Variants in SPTBN2 observed in about 807,000 individuals in gnomAD.
The protein encoded by SPTBN2 is spectrin beta chain, non-erythrocytic 2.
Under a neutral mutation model 284.2 loss-of-function variants are expected in SPTBN2, and 107 were observed. The observed-to-expected ratio is 0.38, with a 90% confidence interval of 0.32 to 0.44. The LOEUF (loss-of-function observed/expected upper bound fraction) is 0.44. Ranked by LOEUF, SPTBN2 falls within the 20% of genes least tolerant of loss-of-function variation. The pLI, the probability that SPTBN2 is intolerant of heterozygous loss-of-function variation, is 1.00. For missense variants in SPTBN2, 2,569 were observed against 3,287.1 expected (o/e 0.78, Z 5.34); for synonymous variants, 1,289 against 1,354.8 (o/e 0.95, Z 1.07).
intron 36 of SPTBN2, 38 bp downstream of exon 36, chr11:66,686,954 ACT>A: frequency 6.2e-7 from 1 of 1,610,960 alleles, no homozygotes; most frequent in Non-Finnish European, 8.5e-7. Context: ...GTCACTCCCA[ACT>A]CTCCTCCCAT....
upstream of SPTBN2, among the ~76,000 whole-genome samples, chr11:66,732,651 C>CAA (rs58620927): frequency 4.5e-4 from 34 of 75,794 alleles, no homozygotes; most frequent in East Asian, 7.2e-4. Flanking sequence ...CTCTGTCTCT[C>CAA]AAAAAAAAAA....
Position 66,696,534 on chromosome 11 carries a change from G to C in SPTBN2, c.4021C>G (p.Arg1341Gly), listed in dbSNP as rs1940923777. The C allele has an allele frequency of 2.5e-6, 4 of 1,611,188 alleles. No homozygotes were observed. The highest frequency in any genetic ancestry group is 3.4e-6 in the Non-Finnish European group (4 of 1,180,018). ...DWLDKVDKEG[R>G]ELTLEKPELK... ...TCTGGCTTCTCAAGGGTGAGCTCTCGCCCTTCCTGGAAGGCAGGACAGAAA... is the reference window on the plus strand; with the variant it reads ...TCTGGCTTCTCAAGGGTGAGCTCTCCCCCTTCCTGGAAGGCAGGACAGAAA... The change falls in exon 21 of 38, where the codon CGA (arginine) becomes GGA (glycine). Residue 1341 changes from arginine to glycine, a missense_variant. Physicochemically the swap from Arg to Gly is moderately radical, Grantham distance 125. This residue lies in a region of SPTBN2 where 50 missense variants were observed against 48.1 expected (regional missense o/e 1.04). Coordinates refer to ENST00000533211, the MANE Select transcript of SPTBN2 (RefSeq NM_006946.4).
Position 66,700,411 on chromosome 11 carries a change from C to T in SPTBN2, c.3573+115G>A, listed in dbSNP as rs1434820533. 2 of 1,449,982 alleles carry T rather than the reference C, an allele frequency of 1.4e-6. No individual in the cohort carries two copies. Among genetic ancestry groups the T allele is most frequent in the East Asian group, 4.6e-5 (2 of 43,450 alleles). The allele number at this position is 1,449,982 out of a possible 1,614,324, so 89.8% of individuals were successfully genotyped here. A position where few individuals can be genotyped will look rare whatever the true frequency, so the allele number is the denominator to read the frequency against. On this transcript the variant is annotated intron_variant, in intron 17 of 37. Coordinates refer to ENST00000533211, the MANE Select transcript of SPTBN2 (RefSeq NM_006946.4). The surrounding 1 kb of genome is among the most constrained non-coding windows in gnomAD (Gnocchi z 6.6). ...AAGTGCTGGAATTTCAGGTGTGAAC[C>T]ACTGCGCTGCCCCATTTTGCTAGCA...
At position 66,715,145 on chromosome 11, in the gene SPTBN2, TCATGGGCCAGCAGGAAC is replaced by T; in HGVS notation, c.483+60_483+76del. ...ATCCTCCATCTTTGTGTTTGTTGTGTCATGGGCCAGCAGGAACGGCTTGCGGTGCAGAGCCAGGGCAG... is the reference window on the plus strand; with the variant it reads ...ATCCTCCATCTTTGTGTTTGTTGTGTGGCTTGCGGTGCAGAGCCAGGGCAG... On this transcript the variant is annotated intron_variant, in intron 5 of 37. Transcript: ENST00000533211. The surrounding 1 kb of genome is among the most constrained non-coding windows in gnomAD (Gnocchi z 5.3). 6.3e-7 allele frequency: 1 copy of T among 1,584,244 alleles called. No individual in the cohort carries two copies. Among genetic ancestry groups the T allele is most frequent in the Non-Finnish European group, 8.7e-7 (1 of 1,154,842 alleles).
rs948277430 is a variant in SPTBN2, at chr11:66,700,122, A to AT, written c.3573+403dup. 9.5e-5 allele frequency among the ~76,000 whole-genome samples: 14 copies of AT among 147,154 alleles called. No individual in the cohort carries two copies. Among genetic ancestry groups the AT allele is most frequent in the African/African-American group, 1.2e-4 (5 of 40,178 alleles). On this transcript the variant is annotated intron_variant, in intron 17 of 37. Coordinates refer to ENST00000533211, the MANE Select transcript of SPTBN2 (RefSeq NM_006946.4). This position sits in a 1 kb window ranked among gnomAD's most constrained non-coding sequence, Gnocchi z 6.6. ...AGGCATGCACCACCATGTCCAGTTA[A>AT]TTTTTTTTTTTCATAGAGATGGGGG...
intron 1 of SPTBN2, among the ~76,000 whole-genome samples, chr11:66,743,919 G>T (rs1942926989): frequency 6.6e-6 from 1 of 150,970 alleles, no homozygotes. Context: ...GGAGTGCAAT[G>T]ACGCGATCTC....
Position 66,722,402 on chromosome 11 carries a change from C to T in SPTBN2, c.-113-962G>A, listed in dbSNP as rs190814361. 1.9e-3 allele frequency among the ~76,000 whole-genome samples: 281 copies of T among 151,440 alleles called. 4 individuals carry two copies. In the East Asian group the frequency reaches 0.026, roughly 14 times the overall value. On this transcript the variant is annotated intron_variant, in intron 1 of 37. Coordinates refer to ENST00000533211, the MANE Select transcript of SPTBN2 (RefSeq NM_006946.4). ...ATCCCTGGCTAACACGGTGAAACCCCGTCTCTACTAAAAAATACAAAAAAT... is the reference window on the plus strand; with the variant it reads ...ATCCCTGGCTAACACGGTGAAACCCTGTCTCTACTAAAAAATACAAAAAAT...
In SPTBN2 at chr11:66,708,304, G is replaced by A. The variant is rs910982125; in HGVS notation, c.1192-5C>T. 3.2e-6 allele frequency: 5 copies of A among 1,586,548 alleles called. No individual in the cohort carries two copies. Among genetic ancestry groups the A allele is most frequent in the African/African-American group, 2.7e-5 (2 of 74,520 alleles). On this transcript the variant is annotated splice_polypyrimidine_tract_variant and splice_region_variant and intron_variant, in intron 11 of 37. Coordinates refer to ENST00000533211, the MANE Select transcript of SPTBN2 (RefSeq NM_006946.4). The surrounding 1 kb of genome is among the most constrained non-coding windows in gnomAD (Gnocchi z 4.4). ...CTTCTCCAGCCGCTCCCAAGCCTAT[G>A]GGGTGGGGACAGGGTTAGTGGAAGG...
At chr11:66,725,834 G>C (rs1175906339) in intron 1 of SPTBN2, among the ~76,000 whole-genome samples, 1 of 152,142 alleles carries the variant, frequency 6.6e-6, no homozygotes, top group African/African-American at 2.4e-5. Context: ...TCTTTCAGCT[G>C]ACATGTTAAG....
In SPTBN2 at chr11:66,692,547, C is replaced by T. The variant is rs548649794; in HGVS notation, c.5179G>A (p.Glu1727Lys). 3.1e-6 allele frequency: 5 copies of T among 1,603,318 alleles called. No individual in the cohort carries two copies. The highest frequency in any genetic ancestry group is 3.4e-6 in the Non-Finnish European group (4 of 1,179,944). ...AASHELGQDYEHVTMLRDKFR... is the reference protein window; with the variant it reads ...AASHELGQDYKHVTMLRDKFR... ...CTCCCTACACTCACAGTCACATGCT[C>T]GTAGTCCTGGCCCAGCTCGTGGGAG... is the stretch of plus-strand genomic sequence containing the variant. The change falls in exon 26 of 38, where the codon GAG (glutamate) becomes AAG (lysine). Residue 1727 changes from glutamate (E) to lysine (K), a missense_variant. This residue lies in a region of SPTBN2 where 1,130 missense variants were observed against 1,317.3 expected (regional missense o/e 0.86). Coordinates refer to ENST00000533211, the MANE Select transcript of SPTBN2 (RefSeq NM_006946.4).
chr11:66,692,467 C>A, intron 26 of SPTBN2, 69 bp downstream of exon 26: 1 of 1,574,512 alleles, frequency 6.4e-7, no homozygotes, highest in South Asian at 1.1e-5. Flanking sequence ...GGGACTAGGT[C>A]CTAGTCTCCC....
chr11:66,720,262 T>A (rs1942333405), intron 3 of SPTBN2, among the ~76,000 whole-genome samples: 1 of 150,704 alleles, frequency 6.6e-6, no homozygotes, highest in African/African-American at 2.4e-5. Flanking sequence ...TCAGACTGGG[T>A]TGGGTTGGGC....
In SPTBN2 at chr11:66,705,197, C is replaced by A; in HGVS notation, c.2079G>T (p.Arg693=). The change falls in exon 15 of 38, where the codon CGG becomes CGT. Residue 693 remains arginine (R), a synonymous_variant. Coordinates refer to ENST00000533211, the MANE Select transcript of SPTBN2 (RefSeq NM_006946.4). ...HTALRGEMSG[R]LGPLKLTLEQ... ...CCAGGGTGAGCTTCAGGGGCCCCAG[C>A]CGGCCGCTCATCTCGCCCCGCAGGG... 6.5e-7 allele frequency: 1 copy of A among 1,536,102 alleles called. No individual in the cohort carries two copies. Among genetic ancestry groups the A allele is most frequent in the Non-Finnish European group, 8.7e-7 (1 of 1,143,816 alleles).
chr11:66,734,310 A>T (rs1942837940), intron 1 of SPTBN2, among the ~76,000 whole-genome samples: 1 of 152,090 alleles, frequency 6.6e-6, no homozygotes, highest in Admixed American at 6.5e-5. Context: ...TTAATACATC[A>T]GACAGATCAT....
At chr11:66,730,566 A>T (rs1374328784), upstream of SPTBN2, among the ~76,000 whole-genome samples, 4 of 149,766 alleles carry the variant, frequency 2.7e-5, no homozygotes, top group African/African-American at 9.9e-5. Flanking sequence ...GGCAACAAGA[A>T]CGAGACTCCA....
At chr11:66,711,877 T>G (rs1027944670) in intron 8 of SPTBN2, among the ~76,000 whole-genome samples, 1 of 152,188 alleles carries the variant, frequency 6.6e-6, no homozygotes, top group Non-Finnish European at 1.5e-5. Context: ...TCGCTGACAC[T>G]TGTCATTCTG....
At position 66,705,477 on chromosome 11, in the gene SPTBN2, G is replaced by A; in HGVS notation, c.1808-9C>T. 1 of 1,612,972 alleles carries A rather than the reference G, an allele frequency of 6.2e-7. No homozygotes were observed. The highest frequency in any genetic ancestry group is 1.1e-5 in the South Asian group (1 of 91,084). Reference sequence around the variant, plus strand: ...GTCGCAAGGTCTATACTCTGAGAAAGTCACAGGAGAGGGTCAGAGCCTTAA... The same window carrying A: ...GTCGCAAGGTCTATACTCTGAGAAAATCACAGGAGAGGGTCAGAGCCTTAA... On this transcript the variant is annotated splice_polypyrimidine_tract_variant and intron_variant, in intron 14 of 37. Transcript: ENST00000533211.
At position 66,687,195 on chromosome 11, in the gene SPTBN2, G is replaced by A. The variant is rs779451430; in HGVS notation, c.6723-28C>T. The A allele has an allele frequency of 1.1e-5, 17 of 1,612,028 alleles. No individual in the cohort carries two copies. Among genetic ancestry groups the A allele is most frequent in the South Asian group, 3.3e-5 (3 of 91,038 alleles). ...GCGAGGGACGCGGTGCTGACTGGCC[G>A]GCCTCAGTGGCGCCCGCAACCTGGA... is the stretch of plus-strand genomic sequence containing the variant. On this transcript the variant is annotated intron_variant, in intron 35 of 37. Coordinates refer to ENST00000533211, the MANE Select transcript of SPTBN2 (RefSeq NM_006946.4). This position sits in a 1 kb window ranked among gnomAD's most constrained non-coding sequence, Gnocchi z 5.2.
chr11:66,722,300 C>T (rs543293668), intron 1 of SPTBN2, among the ~76,000 whole-genome samples: 8 of 151,874 alleles, frequency 5.3e-5, no homozygotes, highest in East Asian at 1.9e-4. Context: ...GTTGGCTGGG[C>T]GCGGTGTCTC....
Sources: gnomAD v4.1 joint callset for allele counts (sites outside exome capture counted in the v4.1 genomes callset) on GRCh38, gnomAD v4.1.1 for gene constraint, gnomAD v4.1.1 regional missense constraint, Gnocchi (gnomAD v3.1) non-coding constraint, MANE v1.5 for transcripts, NCBI Gene and HGNC (gene_info 2026-07-23, HGNC 2026-07-21) for gene names.